Variants in NCAM1 observed in about 807,000 individuals in gnomAD.
NCAM1 encodes antigen recognized by monoclonal antibody 5.1H11.
In NCAM1, 14 loss-of-function variants were observed where a neutral mutation model predicts 109.8. That is an observed-to-expected ratio of 0.13 (90% CI 0.08 to 0.20). The LOEUF is 0.20. Among genes scored for constraint, NCAM1 ranks in the 10% least tolerant of loss-of-function variants. The probability of loss-of-function intolerance (pLI) is 1.00; values close to 1 mark genes in which losing one functional copy is unlikely to be tolerated. For missense variants in NCAM1, 774 were observed against 1,109.9 expected (o/e 0.70, Z 4.30); for synonymous variants, 418 against 442.9 (o/e 0.94, Z 0.70).
intron 1 of NCAM1, among the ~76,000 whole-genome samples, chr11:113,144,578 A>G (rs1353692064): frequency 6.6e-6 from 1 of 152,220 alleles, no homozygotes; most frequent in Non-Finnish European, 1.5e-5. Flanking sequence ...ATTTACAGTA[A>G]TGCAGCAACC....
In NCAM1 at chr11:113,236,286, C is replaced by A. The variant is rs1945164885; in HGVS notation, c.1825+1122C>A. On this transcript the variant is annotated intron_variant, in intron 14 of 19. Transcript: ENST00000316851. The stretch of plus-strand genomic sequence containing the variant: ...TTTTTTCTTTTCGTCTGTGTTCCAT[C>A]CATGGGAAATGCAGATAGCCCTCCT... 6 of 1,612,970 alleles carry A rather than the reference C, an allele frequency of 3.7e-6. 1 individual carries two copies. The East Asian group carries it at 1.3e-4, about 36-fold the overall frequency.
intron 1 of NCAM1, among the ~76,000 whole-genome samples, chr11:113,140,541 T>A (rs1403395393): frequency 1.3e-5 from 2 of 152,212 alleles, no homozygotes; most frequent in Non-Finnish European, 2.9e-5. Context: ...ACCTTAGGCC[T>A]TTTATAACAT....
intron 1 of NCAM1, among the ~76,000 whole-genome samples, chr11:113,102,699 C>T (rs1387133643): frequency 2.6e-5 from 4 of 152,178 alleles, no homozygotes; most frequent in East Asian, 1.9e-4. Flanking sequence ...AGAGTTTAAA[C>T]GTGAGCAACG....
intron 15 of NCAM1, among the ~76,000 whole-genome samples, chr11:113,247,137 T>G (rs1176259334): frequency 6.6e-6 from 1 of 152,190 alleles, no homozygotes; most frequent in African/African-American, 2.4e-5. Flanking sequence ...TTAGTTAATA[T>G]TGTGACTGTC....
At chr11:112,986,124 A>T (rs1951296215) in intron 1 of NCAM1, among the ~76,000 whole-genome samples, 1 of 151,956 alleles carries the variant, frequency 6.6e-6, no homozygotes, top group Admixed American at 6.6e-5. Context: ...TCACAAAAGA[A>T]TGTTGAATTT....
At chr11:113,224,486 T>G (rs1163247815) in intron 9 of NCAM1, among the ~76,000 whole-genome samples, 1 of 152,226 alleles carries the variant, frequency 6.6e-6, no homozygotes, top group Admixed American at 6.5e-5. Context: ...TGCCTGCCTC[T>G]TGTAGACTCC....
chr11:113,143,415 C>T (rs530377496), intron 1 of NCAM1, among the ~76,000 whole-genome samples: 5 of 152,164 alleles, frequency 3.3e-5, no homozygotes, highest in East Asian at 3.9e-4. Flanking sequence ...TAAATGGCGC[C>T]GGATATGTTA....
At chr11:113,105,277 G>A (rs1555092316) in intron 1 of NCAM1, among the ~76,000 whole-genome samples, 1 of 152,182 alleles carries the variant, frequency 6.6e-6, no homozygotes, top group East Asian at 1.9e-4. Context: ...GGAAGGGCAT[G>A]GACCTCACCT....
At chr11:113,248,486 C>G (rs111501375) in intron 15 of NCAM1, among the ~76,000 whole-genome samples, 1,848 of 152,208 alleles carry the variant, frequency 0.012, 21 homozygotes, top group Non-Finnish European at 0.021. Context: ...TTATCACCTC[C>G]TCTCCCTGGG....
At chr11:113,162,797 G>A (rs1411257141) in intron 1 of NCAM1, among the ~76,000 whole-genome samples, 2 of 152,160 alleles carry the variant, frequency 1.3e-5, no homozygotes, top group Admixed American at 1.3e-4. Flanking sequence ...CAAGACACAG[G>A]CAGTGGAGAC....
intron 1 of NCAM1, among the ~76,000 whole-genome samples, chr11:113,201,162 G>T (rs113465871): frequency 2.6e-5 from 4 of 152,072 alleles, no homozygotes; most frequent in African/African-American, 4.8e-5. Context: ...GGTTAGGAAG[G>T]CCGCACCCCC....
At chr11:113,107,460 T>C (rs1425938235) in intron 1 of NCAM1, among the ~76,000 whole-genome samples, 3 of 152,164 alleles carry the variant, frequency 2.0e-5, no homozygotes, top group African/African-American at 7.2e-5. Flanking sequence ...TCCCTTTTCA[T>C]GCTGGTGATA....
chr11:112,976,366 A>T (rs1326784579), intron 1 of NCAM1, among the ~76,000 whole-genome samples: 6 of 151,958 alleles, frequency 3.9e-5, no homozygotes, highest in Non-Finnish European at 7.4e-5. Context: ...GACTGGAACA[A>T]ATAAATCAAT....
At chr11:113,178,138 C>A (rs1263997519) in intron 1 of NCAM1, among the ~76,000 whole-genome samples, 1 of 152,190 alleles carries the variant, frequency 6.6e-6, no homozygotes, top group Non-Finnish European at 1.5e-5. Flanking sequence ...AAATTTCCTA[C>A]TTTCTTCTTT....
intron 1 of NCAM1, among the ~76,000 whole-genome samples, chr11:113,092,665 C>A (rs1402840500): frequency 6.6e-6 from 1 of 152,112 alleles, no homozygotes; most frequent in Non-Finnish European, 1.5e-5. Context: ...ATCTGATCAT[C>A]TTTTTTCCAT....
At position 113,205,518 on chromosome 11, in the gene NCAM1, T is replaced by A; in HGVS notation, c.347-5T>A. On this transcript the variant is annotated splice_polypyrimidine_tract_variant and splice_region_variant and intron_variant, in intron 3 of 19. Coordinates refer to ENST00000316851, the MANE Select transcript of NCAM1 (RefSeq NM_181351.5). ...TTTTCCCTCACTCTTCTGTTCATCT[T>A]CCAGAGAAGCTCATGTTCAAGAATG... 1 of 1,610,044 alleles carries A rather than the reference T, an allele frequency of 6.2e-7. No homozygotes were observed. The highest frequency in any genetic ancestry group is 8.5e-7 in the Non-Finnish European group (1 of 1,178,426).
At chr11:112,980,873 C>G (rs1438718750) in intron 1 of NCAM1, among the ~76,000 whole-genome samples, 1 of 151,556 alleles carries the variant, frequency 6.6e-6, no homozygotes, top group Non-Finnish European at 1.5e-5. Flanking sequence ...TTGGATATTC[C>G]TCAAAGAACT....
At chr11:113,205,122 A>G (rs1226485798) in intron 3 of NCAM1, among the ~76,000 whole-genome samples, 3 of 152,186 alleles carry the variant, frequency 2.0e-5, no homozygotes, top group African/African-American at 7.2e-5. Flanking sequence ...GACTGGGAGT[A>G]GCAGTTCGAG....
At chr11:113,149,489 G>A (rs1422418827) in intron 1 of NCAM1, among the ~76,000 whole-genome samples, 2 of 152,160 alleles carry the variant, frequency 1.3e-5, no homozygotes, top group Admixed American at 6.5e-5. Flanking sequence ...TAAGATGAAG[G>A]AAGGATCAGA....
Sources: allele counts gnomAD v4.1 joint callset (sites outside exome capture counted in the v4.1 genomes callset), GRCh38; gene constraint gnomAD v4.1.1; transcripts MANE v1.5; gene names NCBI Gene and HGNC (gene_info 2026-07-23, HGNC 2026-07-21).